The following DTD1 variants were observed in gnomAD, a reference collection of about 807,000 sequenced individuals.
The protein encoded by DTD1 is D-tyrosyl-tRNA deacylase 1 homolog.
A neutral mutation model predicts 25.6 loss-of-function variants in DTD1; 13 were observed. The ratio of observed to expected loss-of-function variants is 0.51; its 90% CI spans 0.33 to 0.81. The LOEUF (loss-of-function observed/expected upper bound fraction) is 0.81. DTD1 is among the 30% of genes least tolerant of loss of function. The probability of loss-of-function intolerance (pLI) is 0.02; values close to 1 mark genes in which losing one functional copy is unlikely to be tolerated. For synonymous variants in DTD1, 110 were observed against 103.6 expected, an observed-to-expected ratio of 1.06 and a Z score of -0.37; for missense variants, 193 against 266.4, an observed-to-expected ratio of 0.72 and a Z score of 1.92.
rs2060654640 is a variant in DTD1 at position 18,605,817 on chromosome 20, A to C, written c.370+9576A>C. On this transcript the variant is annotated intron_variant, in intron 3 of 5. Coordinates refer to ENST00000377452, the MANE Select transcript of DTD1 (RefSeq NM_080820.6). ...ATTTAAACGTTAGACCTAAAACCAT[A>C]AAAACCCTAGAAGAAAACCTAGGCA... 1.4e-5 allele frequency among the ~76,000 whole-genome samples: 2 copies of C among 142,994 alleles called. 1 individual carries two copies. Among genetic ancestry groups the C allele is most frequent in the African/African-American group, 5.3e-5 (2 of 37,992 alleles). The allele number at this position is 142,994 out of a possible 152,430, so 93.8% of individuals were successfully genotyped here.
intron 4 of DTD1, among the ~76,000 whole-genome samples, chr20:18,657,943 C>A (rs989206399): frequency 2.0e-5 from 3 of 152,112 alleles, no homozygotes; most frequent in Non-Finnish European, 2.9e-5. Context: ...CTATTGGTTA[C>A]AGAGGTCAGC....
intron 4 of DTD1, among the ~76,000 whole-genome samples, chr20:18,684,696 G>A (rs1351605069): frequency 1.3e-5 from 2 of 151,978 alleles, no homozygotes; most frequent in Admixed American, 6.6e-5. Context: ...CAGATTTCAA[G>A]GTGGTGATTT....
At chr20:18,606,444 C>T (rs375099193) in intron 3 of DTD1, among the ~76,000 whole-genome samples, 1 of 132,700 alleles carries the variant, frequency 7.5e-6, no homozygotes, top group South Asian at 2.5e-4. Context: ...ACCCAAAGGA[C>T]TATAAATCAT....
At chr20:18,725,486 C>G (rs138472533) in intron 4 of DTD1, among the ~76,000 whole-genome samples, 119 of 151,366 alleles carry the variant, frequency 7.9e-4, no homozygotes, top group Non-Finnish European at 1.2e-3. Context: ...ATGCTTTAGC[C>G]TCTGTCCTGA....
At chr20:18,614,215 A>T (rs962432673) in intron 3 of DTD1, among the ~76,000 whole-genome samples, 1 of 152,156 alleles carries the variant, frequency 6.6e-6, no homozygotes, top group South Asian at 2.1e-4. Flanking sequence ...GCTCCTGCTC[A>T]AGCACTGAGC....
At chr20:18,631,722 G>A (rs1024724644) in intron 4 of DTD1, 49 of 985,224 alleles carry the variant, frequency 5.0e-5, no homozygotes, top group South Asian at 4.2e-4. Context: ...CTGGGTTTTT[G>A]TCTTGCCTCT....
intron 4 of DTD1, among the ~76,000 whole-genome samples, chr20:18,708,320 TTA>T (rs55797344): frequency 1.0e-3 from 42 of 40,724 alleles, no homozygotes; most frequent in African/African-American, 2.3e-3. Context: ...TATATATATA[TTA>T]TATATATATA....
chr20:18,675,598 CAAT>C (rs2060967387), intron 4 of DTD1: 1 of 151,990 alleles, frequency 6.6e-6, no homozygotes, highest in Non-Finnish European at 1.5e-5. Context: ...CTCTTTAAAT[CAAT>C]GATGATACTT....
At chr20:18,600,857 A>G (rs2060631054) in intron 3 of DTD1, among the ~76,000 whole-genome samples, 1 of 152,132 alleles carries the variant, frequency 6.6e-6, no homozygotes, top group Non-Finnish European at 1.5e-5. Flanking sequence ...GAGGGGTGCT[A>G]ATGTAAATGG....
chr20:18,717,637 G>A (rs896217327), intron 4 of DTD1, among the ~76,000 whole-genome samples: 2 of 152,110 alleles, frequency 1.3e-5, no homozygotes, highest in Non-Finnish European at 2.9e-5. Flanking sequence ...ATTATGCATA[G>A]TGGATTCTCA....
chr20:18,657,455 A>G (rs1455401911), intron 4 of DTD1, among the ~76,000 whole-genome samples: 1 of 152,238 alleles, frequency 6.6e-6, no homozygotes, highest in Non-Finnish European at 1.5e-5. Context: ...CTTTTCTGCA[A>G]TCTTTCCATT....
chr20:18,751,086 G>GT (rs1177209253), intron 5 of DTD1, among the ~76,000 whole-genome samples: 2 of 86,246 alleles, frequency 2.3e-5, no homozygotes, highest in Non-Finnish European at 5.9e-5. Context: ...TGTGTGTGTG[G>GT]GTGTGTGTTT....
At chr20:18,708,282 A>ATC (rs1361175431) in intron 4 of DTD1, among the ~76,000 whole-genome samples, 3 of 39,206 alleles carry the variant, frequency 7.7e-5, no homozygotes, top group Non-Finnish European at 1.0e-4. Flanking sequence ...TATATAATAT[A>ATC]TATTATATAT....
At position 18,593,769 on chromosome 20, in the gene DTD1, T is replaced by A; in HGVS notation, c.82T>A (p.Cys28Ser). 6.2e-7 allele frequency: 1 copy of A among 1,614,088 alleles called. No homozygotes were observed. The part of the protein sequence containing the change: ...EQISAIGRGI[C>S]VLLGISLEDT... Reference sequence around the variant, plus strand: ...GATTAGTGCCATTGGAAGGGGCATATGTGTGTTGCTGGGTATTTCCCTGGA... The same window carrying A: ...GATTAGTGCCATTGGAAGGGGCATAAGTGTGTTGCTGGGTATTTCCCTGGA... Residue 28 changes from cysteine (C) to serine (S), a missense_variant, in exon 2 of 6, where the codon TGT (cysteine) becomes AGT (serine). Cys to Ser is a moderately radical substitution (Grantham distance 112). Coordinates refer to ENST00000377452, the MANE Select transcript of DTD1 (RefSeq NM_080820.6).
chr20:18,677,890 C>G (rs1339807735), intron 4 of DTD1, among the ~76,000 whole-genome samples: 1 of 151,398 alleles, frequency 6.6e-6, no homozygotes, highest in Admixed American at 6.6e-5. Flanking sequence ...AAAAATTAAA[C>G]CTCAGCTCTC....
intron 4 of DTD1, among the ~76,000 whole-genome samples, chr20:18,718,984 G>A (rs189301180): frequency 1.1e-3 from 160 of 152,260 alleles, no homozygotes; most frequent in African/African-American, 3.6e-3. Context: ...TGGTCTCCCC[G>A]TTTTGTACAG....
chr20:18,696,030 A>G (rs976594508), intron 4 of DTD1, among the ~76,000 whole-genome samples: 2 of 152,064 alleles, frequency 1.3e-5, no homozygotes. Context: ...GGTGACAATT[A>G]TAATAGTCTT....
chr20:18,663,744 A>C (rs139897630), intron 4 of DTD1, among the ~76,000 whole-genome samples: 25 of 152,358 alleles, frequency 1.6e-4, no homozygotes, highest in Middle Eastern at 6.8e-3. Context: ...ATGGCTACGG[A>C]GGCCTCATGA....
At chr20:18,697,681 T>C (rs1038317672) in intron 4 of DTD1, among the ~76,000 whole-genome samples, 3 of 152,168 alleles carry the variant, frequency 2.0e-5, no homozygotes, top group African/African-American at 7.2e-5. Context: ...TCAACTCACA[T>C]ATTTTTTGTT....
Sources: gnomAD v4.1 joint callset for allele counts (sites outside exome capture counted in the v4.1 genomes callset) on GRCh38, gnomAD v4.1.1 for gene constraint, MANE v1.5 for transcripts, NCBI Gene and HGNC (gene_info 2026-07-23, HGNC 2026-07-21) for gene names.